BMERB1: variants seen among roughly 807,000 people sequenced by gnomAD.
BMERB1 encodes the protein bMERB domain containing 1.
Under a neutral mutation model 23.6 loss-of-function variants are expected in BMERB1, and 12 were observed. The observed-to-expected ratio is 0.51, with a 90% CI of 0.33 to 0.82. The LOEUF is 0.82. Among genes scored for constraint, BMERB1 ranks in the 40% least tolerant of loss-of-function variants. The pLI is 0.03. For missense variants in BMERB1, 247 were observed against 255.4 expected (o/e 0.97, Z 0.22); for synonymous variants, 122 against 96.6 (o/e 1.26, Z -1.54).
At chr16:15,453,300 A>G (rs1185982290) in intron 1 of BMERB1, among the ~76,000 whole-genome samples, 1 of 152,248 alleles carries the variant, frequency 6.6e-6, no homozygotes, top group African/African-American at 2.4e-5. Flanking sequence ...AATGTCATTT[A>G]AAGGAATGCT....
At chr16:15,583,811 T>C (rs931588175) in intron 5 of BMERB1, among the ~76,000 whole-genome samples, 1 of 152,140 alleles carries the variant, frequency 6.6e-6, no homozygotes, top group African/African-American at 2.4e-5. Flanking sequence ...CCATGCTTGG[T>C]TTAATGTTCT....
At chr16:15,502,332 A>G (rs2051538782) in intron 1 of BMERB1, 3 of 1,551,078 alleles carry the variant, frequency 1.9e-6, no homozygotes, top group Non-Finnish European at 2.6e-6. Flanking sequence ...ATGTGGGGCG[A>G]CCTCACAGAG....
chr16:15,476,273 C>A (rs892190473), intron 1 of BMERB1, among the ~76,000 whole-genome samples: 4 of 150,678 alleles, frequency 2.7e-5, no homozygotes. Flanking sequence ...AGTGATTCTC[C>A]TGCCTCAGCC....
At chr16:15,506,574 A>G (rs980530614) in intron 1 of BMERB1, among the ~76,000 whole-genome samples, 3 of 152,056 alleles carry the variant, frequency 2.0e-5, no homozygotes, top group African/African-American at 7.2e-5. Context: ...AGGAATTGAA[A>G]TTTACCAGAT....
chr16:15,583,105 T>G, intron 4 of BMERB1, 51 bp from the exon 5 acceptor site: 1 of 1,393,760 alleles, frequency 7.2e-7, no homozygotes, highest in Non-Finnish European at 1.0e-6. Context: ...TCCTTGATGC[T>G]TTCCTTGCTT....
intron 1 of BMERB1, among the ~76,000 whole-genome samples, chr16:15,468,450 G>T (rs372121792): frequency 3.3e-5 from 5 of 151,788 alleles, no homozygotes; most frequent in African/African-American, 1.2e-4. Context: ...TGACCTGATT[G>T]TAAATGTTTC....
intron 1 of BMERB1, among the ~76,000 whole-genome samples, chr16:15,475,248 C>T (rs897681815): frequency 6.6e-6 from 1 of 152,116 alleles, no homozygotes; most frequent in African/African-American, 2.4e-5. Flanking sequence ...AACTTAGCTC[C>T]CCAATGGGTC....
chr16:15,451,656 T>A lies in BMERB1; in HGVS notation c.106+16897T>A, dbSNP rs551901174. Among the ~76,000 whole-genome samples, 265 of 149,752 alleles carry A rather than the reference T, an allele frequency of 1.8e-3. 1 individual carries two copies. Among genetic ancestry groups the A allele is most frequent in the African/African-American group, 6.3e-3 (255 of 40,686 alleles). ...TCACTGAAGCCTTGAATTCCTGGGC[T>A]TAAGCGATTCTCCCACCTCAGTCTC... On this transcript the variant is annotated intron_variant, in intron 1 of 5. Coordinates refer to ENST00000300006, the MANE Select transcript of BMERB1 (RefSeq NM_033201.3).
chr16:15,454,564 G>A (rs538189860), intron 1 of BMERB1, among the ~76,000 whole-genome samples: 7 of 152,004 alleles, frequency 4.6e-5, no homozygotes, highest in African/African-American at 7.2e-5. Flanking sequence ...AGGCCAAGGC[G>A]GGTGGATCAC....
intron 1 of BMERB1, among the ~76,000 whole-genome samples, chr16:15,455,694 T>G (rs1227548310): frequency 1.3e-5 from 2 of 152,072 alleles, no homozygotes; most frequent in Admixed American, 1.3e-4. Context: ...ACTCCCAACC[T>G]CAGGTGATCC....
chr16:15,492,202 T>C (rs2051427512), intron 1 of BMERB1, among the ~76,000 whole-genome samples: 1 of 152,184 alleles, frequency 6.6e-6, no homozygotes. Context: ...CTCAGTGTTT[T>C]TGGTTTTGTT....
chr16:15,472,880 C>T (rs1434396692), intron 1 of BMERB1, among the ~76,000 whole-genome samples: 129 of 115,982 alleles, frequency 1.1e-3, no homozygotes, highest in African/African-American at 3.8e-3. Context: ...TTTTTTTTGA[C>T]ATGGTCTCGC....
At chr16:15,515,154 C>T in intron 1 of BMERB1, 151 bp from the exon 2 acceptor site, 2 of 978,610 alleles carry the variant, frequency 2.0e-6, no homozygotes, top group Admixed American at 2.7e-5. Context: ...AAAGGGTGTG[C>T]TCACGAATAC....
chr16:15,549,699 A>G lies in BMERB1; in HGVS notation c.231-18284A>G, dbSNP rs563524693. Among the ~76,000 whole-genome samples the G allele has an allele frequency of 3.9e-5, 6 of 151,956 alleles. No individual in the cohort carries two copies. The South Asian group carries it at 6.3e-4, about 16-fold the overall frequency. On this transcript the variant is annotated intron_variant, in intron 2 of 5. Coordinates refer to ENST00000300006, the MANE Select transcript of BMERB1 (RefSeq NM_033201.3). Reference sequence around the variant, plus strand: ...TCTAAAAAAAAAAAAAAAAATTCCTAAACAGGAGGGGCTTAGGGCCAGCCA... The same window carrying G: ...TCTAAAAAAAAAAAAAAAAATTCCTGAACAGGAGGGGCTTAGGGCCAGCCA...
chr16:15,520,266 A>G lies in BMERB1; in HGVS notation c.230+4838A>G, dbSNP rs2051834108. ...AACCTTAAGCTGTTCTGTTATCTTT[A>G]TTCTCAATGCCAGGACCCCTTTTCT... On this transcript the variant is annotated intron_variant, in intron 2 of 5. Transcript: ENST00000300006. Among the ~76,000 whole-genome samples, 6 of 152,056 alleles carry G rather than the reference A, an allele frequency of 3.9e-5. No individual in the cohort carries two copies. The South Asian group carries it at 1.2e-3, about 32-fold the overall frequency.
chr16:15,460,574 A>G (rs1456748350), intron 1 of BMERB1, among the ~76,000 whole-genome samples: 1 of 152,154 alleles, frequency 6.6e-6, no homozygotes, highest in Non-Finnish European at 1.5e-5. Flanking sequence ...TGATGTGATG[A>G]TGTGCCAAGA....
chr16:15,460,187 A>G (rs2051122655), intron 1 of BMERB1, among the ~76,000 whole-genome samples: 1 of 152,184 alleles, frequency 6.6e-6, no homozygotes, highest in Non-Finnish European at 1.5e-5. Context: ...AGTAGGTTGA[A>G]GATTCTCTGA....
intron 3 of BMERB1, among the ~76,000 whole-genome samples, chr16:15,572,453 G>C (rs1324299793): frequency 6.6e-6 from 1 of 152,204 alleles, no homozygotes; most frequent in African/African-American, 2.4e-5. Flanking sequence ...CAGCTAGTGG[G>C]TATGGGGTTT....
intron 1 of BMERB1, among the ~76,000 whole-genome samples, chr16:15,470,570 G>A (rs1358363722): frequency 6.6e-6 from 1 of 151,346 alleles, no homozygotes; most frequent in Non-Finnish European, 1.5e-5. Context: ...TCTGTCGCAA[G>A]GCTGGAGTGC....
Sources: gnomAD v4.1 joint callset for allele counts (sites outside exome capture counted in the v4.1 genomes callset) on GRCh38, gnomAD v4.1.1 for gene constraint, MANE v1.5 for transcripts, NCBI Gene and HGNC (gene_info 2026-07-23, HGNC 2026-07-21) for gene names.